Variants in EPB41 observed in about 807,000 individuals in gnomAD.
The protein encoded by EPB41 is erythrocyte membrane protein band 4.1.
EPB41 carries 65 observed loss-of-function variants against 108.0 expected under a neutral mutation model. The ratio of observed to expected loss-of-function variants is 0.60; its 90% confidence interval spans 0.49 to 0.74. The LOEUF (loss-of-function observed/expected upper bound fraction) is 0.74, where lower values mean the gene tolerates loss of function less well. Ranked by LOEUF, EPB41 falls within the 30% of genes least tolerant of loss-of-function variation. The probability of loss-of-function intolerance (pLI) is 0.00; values close to 1 mark genes in which losing one functional copy is unlikely to be tolerated. For missense variants in EPB41, 875 were observed against 1,037.0 expected, an observed-to-expected ratio of 0.84 and a Z score of 2.15; for synonymous variants, 336 against 358.9, an observed-to-expected ratio of 0.94 and a Z score of 0.72.
At chr1:29,111,426 G>T (rs2151707224) in intron 18 of EPB41, among the ~76,000 whole-genome samples, 1 of 152,144 alleles carries the variant, frequency 6.6e-6, no homozygotes, top group East Asian at 1.9e-4. Flanking sequence ...GGAGGCCGGG[G>T]CGGGCAGATC....
At chr1:28,977,778 C>T (rs1259133663) in intron 1 of EPB41, among the ~76,000 whole-genome samples, 2 of 151,980 alleles carry the variant, frequency 1.3e-5, no homozygotes, top group African/African-American at 2.4e-5. Context: ...GACTGCATGG[C>T]ATTTGTCTGG....
At chr1:28,959,506 C>T (rs1486724670) in intron 1 of EPB41, among the ~76,000 whole-genome samples, 4 of 151,860 alleles carry the variant, frequency 2.6e-5, no homozygotes, top group African/African-American at 9.7e-5. Flanking sequence ...CATGAGTCAC[C>T]GCACCCAGCC....
rs749229606 is a variant in EPB41, at chr1:28,987,555, C to T, written c.118C>T (p.Gln40Ter). 2.5e-6 allele frequency: 4 copies of T among 1,614,022 alleles called. No individual in the cohort carries two copies. The highest frequency in any genetic ancestry group is 3.4e-6 in the Non-Finnish European group (4 of 1,180,042). Reference protein sequence around the residue: ...QQEPQQEESCQTAAEGDNWCE... With the variant: ...QQEPQQEESC ...AGAACCTCAGCAGGAGGAATCTTGT[C>T]AAACAGCAGCTGAAGGAGATAATTG... is the stretch of plus-strand genomic sequence containing the variant. The change falls in exon 2 of 21, where the codon CAA becomes TAA. Residue 40 changes from glutamine to a stop codon, truncating the protein, a stop_gained. Transcript: ENST00000343067. LOFTEE classifies it high-confidence loss of function.
chr1:29,088,211 T>A (rs1296804263), intron 16 of EPB41, among the ~76,000 whole-genome samples: 1 of 152,072 alleles, frequency 6.6e-6, no homozygotes, highest in Non-Finnish European at 1.5e-5. Context: ...CACGCCTGGC[T>A]AATTTTTGTA....
At chr1:28,982,743 G>A in intron 1 of EPB41, 1 of 489,486 alleles carries the variant, frequency 2.0e-6, no homozygotes, top group South Asian at 2.0e-5. Context: ...AATACACCTT[G>A]TCTGCTCATA....
At chr1:29,001,976 G>C (rs868447212) in intron 4 of EPB41, among the ~76,000 whole-genome samples, 1 of 152,122 alleles carries the variant, frequency 6.6e-6, no homozygotes, top group African/African-American at 2.4e-5. Flanking sequence ...TATTGAAAGA[G>C]TGAGACATAT....
intron 6 of EPB41, 120 bp downstream of exon 6, chr1:29,015,887 A>G (rs2096571940): frequency 1.4e-6 from 1 of 699,242 alleles, no homozygotes; most frequent in African/African-American, 1.8e-5. Flanking sequence ...AAATAATGAT[A>G]TTAAGTAGCC....
At chr1:28,980,659 G>A (rs2095716094) in intron 1 of EPB41, among the ~76,000 whole-genome samples, 1 of 152,022 alleles carries the variant, frequency 6.6e-6, no homozygotes. Flanking sequence ...TGAGGTTGAA[G>A]TGAGCCGAGA....
intron 1 of EPB41, among the ~76,000 whole-genome samples, chr1:28,942,057 T>G (rs941948232): frequency 1.3e-5 from 2 of 152,196 alleles, no homozygotes; most frequent in African/African-American, 4.8e-5. Flanking sequence ...TTGATGTTCC[T>G]TCTTTCTTTT....
chr1:28,943,107 T>A (rs531551666), intron 1 of EPB41, among the ~76,000 whole-genome samples: 4 of 152,276 alleles, frequency 2.6e-5, no homozygotes, highest in Admixed American at 2.0e-4. Flanking sequence ...AAAGTTCTTC[T>A]CCTACTTATA....
chr1:28,963,340 G>A (rs907112680), intron 1 of EPB41, among the ~76,000 whole-genome samples: 6 of 124,080 alleles, frequency 4.8e-5, no homozygotes, highest in African/African-American at 1.7e-4. Context: ...AGTAAAATCA[G>A]AATCGTGTGT....
intron 1 of EPB41, among the ~76,000 whole-genome samples, chr1:28,930,560 C>T (rs2093691713): frequency 6.6e-6 from 1 of 151,890 alleles, no homozygotes; most frequent in South Asian, 2.1e-4. Context: ...TCTTGACTCA[C>T]TGCAACCTCC....
At chr1:28,951,801 C>T (rs1480227022) in intron 1 of EPB41, among the ~76,000 whole-genome samples, 1 of 152,138 alleles carries the variant, frequency 6.6e-6, no homozygotes, top group African/African-American at 2.4e-5. Context: ...CTGCAGTGAG[C>T]TGTGATTGTG....
Position 29,092,093 on chromosome 1 carries a change from CT to C in EPB41, c.2185-5693del, listed in dbSNP as rs35413713. ...ACTCATAGGAACACCTTCTTACCTT[CT>C]TTTTTTTTTTTTTTTTTTTTGAGAC... On this transcript the variant is annotated intron_variant, in intron 16 of 20. Coordinates refer to ENST00000343067, the MANE Select transcript of EPB41 (RefSeq NM_001376013.1). Among the ~76,000 whole-genome samples the C allele has an allele frequency of 8.1e-3, 920 of 113,146 alleles. 1 individual carries two copies. Among genetic ancestry groups the C allele is most frequent in the Middle Eastern group, 0.024 (5 of 206 alleles). The allele number at this position is 113,146 out of a possible 152,430, so 74.2% of individuals were successfully genotyped here.
intron 1 of EPB41, among the ~76,000 whole-genome samples, chr1:28,949,458 C>G (rs1411591170): frequency 6.6e-6 from 1 of 151,946 alleles, no homozygotes; most frequent in Non-Finnish European, 1.5e-5. Context: ...CTTACCATCT[C>G]TGTATTACTA....
intron 8 of EPB41, among the ~76,000 whole-genome samples, chr1:29,030,966 G>T (rs570594201): frequency 6.6e-6 from 1 of 152,050 alleles, no homozygotes; most frequent in African/African-American, 2.4e-5. Flanking sequence ...GGGACTACAG[G>T]CGCCAGCTAC....
chr1:28,987,954 A>T, intron 2 of EPB41, 49 bp downstream of exon 2: 1 of 1,581,952 alleles, frequency 6.3e-7, no homozygotes, highest in Non-Finnish European at 8.7e-7. Context: ...CAGGTTATAC[A>T]CTTTATTTTT....
intron 1 of EPB41, among the ~76,000 whole-genome samples, chr1:28,900,544 T>C (rs1343965302): frequency 6.6e-6 from 1 of 152,160 alleles, no homozygotes; most frequent in African/African-American, 2.4e-5. Context: ...CCTCTCAGCC[T>C]CCCAAAGTGC....
At chr1:28,903,497 A>G (rs2091498371) in intron 1 of EPB41, among the ~76,000 whole-genome samples, 1 of 150,836 alleles carries the variant, frequency 6.6e-6, no homozygotes, top group Middle Eastern at 3.2e-3. Context: ...GCTAATTTTT[A>G]TATTTTTAGT....
Sources: gnomAD v4.1 joint callset for allele counts (sites outside exome capture counted in the v4.1 genomes callset) on GRCh38, gnomAD v4.1.1 for gene constraint, MANE v1.5 for transcripts, NCBI Gene and HGNC (gene_info 2026-07-23, HGNC 2026-07-21) for gene names.